Variants in ASAP1 observed in about 807,000 individuals in gnomAD.
ASAP1 encodes ArfGAP with SH3 domain, ankyrin repeat and PH domain 1.
In ASAP1, 43 loss-of-function variants were observed where a neutral mutation model predicts 145.2. The observed-to-expected ratio is 0.30, with a 90% CI of 0.23 to 0.38. The LOEUF (loss-of-function observed/expected upper bound fraction) is 0.38, where lower values mean the gene tolerates loss of function less well. Among genes scored for constraint, ASAP1 ranks in the 10% least tolerant of loss-of-function variants. The pLI, the probability that ASAP1 is intolerant of heterozygous loss-of-function variation, is 1.00. For synonymous variants in ASAP1, 546 were observed against 515.5 expected (o/e 1.06, Z -0.80); for missense variants, 1,018 against 1,355.3 (o/e 0.75, Z 3.91).
rs1314297543 is a variant in ASAP1, at chr8:130,221,884, T to A, written c.260-7183A>T. Among the ~76,000 whole-genome samples the A allele has an allele frequency of 2.6e-5, 4 of 152,284 alleles. No homozygotes were observed. In the East Asian group the frequency reaches 7.7e-4, roughly 29 times the overall value. ...ATCCTCCCCATCTGGAAAATGGAAA[T>A]TATAATGGCATTTACCTCACAGAGA... is the stretch of plus-strand genomic sequence containing the variant. On this transcript the variant is annotated intron_variant, in intron 4 of 29. Coordinates refer to ENST00000518721, the MANE Select transcript of ASAP1 (RefSeq NM_018482.4).
intron 15 of ASAP1, among the ~76,000 whole-genome samples, chr8:130,129,970 G>A (rs572224250): frequency 5.3e-5 from 8 of 152,262 alleles, no homozygotes; most frequent in African/African-American, 1.7e-4. Context: ...AAGAACCTGG[G>A]TTCAACAGGA....
chr8:130,333,535 C>A (rs1195579561), intron 3 of ASAP1, among the ~76,000 whole-genome samples: 1 of 152,104 alleles, frequency 6.6e-6, no homozygotes, highest in East Asian at 1.9e-4. Flanking sequence ...ACCTAGGAGG[C>A]GGAGGTTGTG....
chr8:130,376,711 C>A (rs542197863), intron 2 of ASAP1, among the ~76,000 whole-genome samples: 3 of 151,690 alleles, frequency 2.0e-5, no homozygotes, highest in Admixed American at 6.6e-5. Flanking sequence ...GGCAACAGAG[C>A]AAGACTCTGT....
At chr8:130,341,454 G>A (rs959794123) in intron 3 of ASAP1, among the ~76,000 whole-genome samples, 1 of 152,134 alleles carries the variant, frequency 6.6e-6, no homozygotes, top group South Asian at 2.1e-4. Flanking sequence ...TATAAACCTC[G>A]GTTCTTTCCC....
At chr8:130,207,844 T>C (rs1192256253) in intron 5 of ASAP1, among the ~76,000 whole-genome samples, 1 of 152,180 alleles carries the variant, frequency 6.6e-6, no homozygotes, top group African/African-American at 2.4e-5. Flanking sequence ...CCTACTTTTA[T>C]GGAATAGCAA....
At chr8:130,246,338 C>T (rs887936548) in intron 3 of ASAP1, among the ~76,000 whole-genome samples, 1 of 152,154 alleles carries the variant, frequency 6.6e-6, no homozygotes, top group African/African-American at 2.4e-5. Context: ...GAAAGGAAAA[C>T]AGATCCCCTT....
intron 3 of ASAP1, among the ~76,000 whole-genome samples, chr8:130,348,333 G>C (rs1417219007): frequency 2.6e-5 from 4 of 152,282 alleles, no homozygotes; most frequent in Admixed American, 2.6e-4. Flanking sequence ...GTCGTCTTTT[G>C]GGCTTTACCT....
chr8:130,238,174 TGTCTGGCCAG>T (rs1818322542), intron 3 of ASAP1, among the ~76,000 whole-genome samples: 1 of 152,074 alleles, frequency 6.6e-6, no homozygotes, highest in African/African-American at 2.4e-5. Context: ...TAGACCCCAG[TGTCTGGCCAG>T]GTGAGCACCA....
chr8:130,186,363 T>A (rs1427278377), intron 7 of ASAP1, among the ~76,000 whole-genome samples: 1 of 152,196 alleles, frequency 6.6e-6, no homozygotes, highest in African/African-American at 2.4e-5. Context: ...GTTTTTCTTT[T>A]GCTTGTTTTT....
At chr8:130,124,539 C>T (rs1332738162) in intron 17 of ASAP1, among the ~76,000 whole-genome samples, 3 of 152,148 alleles carry the variant, frequency 2.0e-5, no homozygotes, top group Admixed American at 6.5e-5. Flanking sequence ...TTATATTGAA[C>T]AAATTTACTC....
Position 130,072,836 on chromosome 8 carries a change from G to GA in ASAP1, c.2701+3511_2701+3512insT, listed in dbSNP as rs1564928329. ...GTGTGTGTGTGTGTGCGCGCGGGGG[G>GA]GGGCAGTTTTGGGGACTGAGCTCTC... On this transcript the variant is annotated intron_variant, in intron 27 of 29. Transcript: ENST00000518721. Among the ~76,000 whole-genome samples the GA allele has an allele frequency of 0.011, 206 of 18,564 alleles. 8 individuals carry two copies. In the Middle Eastern group the frequency reaches 0.24, roughly 21 times the overall value. 12.2% of individuals were successfully genotyped at this position (18,564 alleles called of 152,430 possible). A position where few individuals can be genotyped will look rare whatever the true frequency, so the allele number is the denominator to read the frequency against.
chr8:130,120,043 A>G (rs1365576383), intron 18 of ASAP1, among the ~76,000 whole-genome samples: 1 of 152,242 alleles, frequency 6.6e-6, no homozygotes, highest in Non-Finnish European at 1.5e-5. Context: ...GGTTGGCAGT[A>G]AAAACAGTTG....
intron 4 of ASAP1, among the ~76,000 whole-genome samples, chr8:130,217,569 C>T (rs1817015879): frequency 6.8e-6 from 1 of 146,644 alleles, no homozygotes; most frequent in Non-Finnish European, 1.5e-5. Flanking sequence ...CAGATCTTTT[C>T]CTACCACCAG....
intron 25 of ASAP1, among the ~76,000 whole-genome samples, chr8:130,090,685 C>T (rs2097503687): frequency 6.6e-6 from 1 of 152,114 alleles, no homozygotes; most frequent in Non-Finnish European, 1.5e-5. Flanking sequence ...CTGCATTAGA[C>T]CATGAACTCC....
At chr8:130,341,144 C>T (rs2137914864) in intron 3 of ASAP1, among the ~76,000 whole-genome samples, 1 of 152,128 alleles carries the variant, frequency 6.6e-6, no homozygotes, top group South Asian at 2.1e-4. Context: ...AAAGTCGACA[C>T]AAAACTTCCA....
At chr8:130,256,078 C>T (rs188434120) in intron 3 of ASAP1, among the ~76,000 whole-genome samples, 75 of 152,222 alleles carry the variant, frequency 4.9e-4, no homozygotes, top group Middle Eastern at 6.8e-3. Context: ...AGGGACCTAA[C>T]GATTCAATAT....
intron 4 of ASAP1, among the ~76,000 whole-genome samples, chr8:130,232,602 C>A (rs1420574461): frequency 2.0e-5 from 3 of 151,010 alleles, no homozygotes; most frequent in Non-Finnish European, 4.4e-5. Flanking sequence ...AACCAAAGGG[C>A]TTGCATGGAG....
intron 15 of ASAP1, among the ~76,000 whole-genome samples, chr8:130,128,620 A>G (rs979277471): frequency 6.6e-6 from 1 of 152,232 alleles, no homozygotes; most frequent in African/African-American, 2.4e-5. Context: ...ATACTTATGA[A>G]AAAGGCATAT....
At chr8:130,077,910 G>C (rs1418293899) in intron 26 of ASAP1, among the ~76,000 whole-genome samples, 1 of 151,946 alleles carries the variant, frequency 6.6e-6, no homozygotes, top group African/African-American at 2.4e-5. Flanking sequence ...TCTTGAAAGA[G>C]ACTCCATCTC....
Sources: allele counts gnomAD v4.1 joint callset (sites outside exome capture counted in the v4.1 genomes callset), GRCh38; gene constraint gnomAD v4.1.1; transcripts MANE v1.5; gene names NCBI Gene and HGNC (gene_info 2026-07-23, HGNC 2026-07-21).